Variants in VTI1A observed in about 807,000 individuals in gnomAD.
VTI1A encodes vesicle transport through interaction with t-SNAREs homolog 1A.
A neutral mutation model predicts 34.9 loss-of-function variants in VTI1A; 22 were observed. That is an observed-to-expected ratio of 0.63 (90% CI 0.45 to 0.90). The LOEUF is 0.90. Among genes scored for constraint, VTI1A ranks in the 40% least tolerant of loss-of-function variants. The pLI is 0.00. For missense variants in VTI1A, 268 were observed against 275.6 expected (o/e 0.97, Z 0.20); for synonymous variants, 87 against 97.3 (o/e 0.89, Z 0.62).
downstream of VTI1A, among the ~76,000 whole-genome samples, chr10:112,820,403 A>C (rs535724243): frequency 7.9e-5 from 12 of 152,340 alleles, no homozygotes; most frequent in East Asian, 2.3e-3. Context: ...GTAACTCTCT[A>C]ACTCTAAACT....
At chr10:112,475,813 T>C (rs1589809290) in intron 3 of VTI1A, among the ~76,000 whole-genome samples, 4 of 152,168 alleles carry the variant, frequency 2.6e-5, no homozygotes, top group Non-Finnish European at 4.4e-5. Context: ...GATGGCACTG[T>C]TTGTTTGCAG....
chr10:112,638,051 A>G (rs1038031545), intron 5 of VTI1A, among the ~76,000 whole-genome samples: 1 of 152,252 alleles, frequency 6.6e-6, no homozygotes, highest in Admixed American at 6.5e-5. Flanking sequence ...TATAGCCTTC[A>G]TTGTTAAAAT....
chr10:112,830,849 A>ATTTTTTTTTT, the VTI1A span, among the ~76,000 whole-genome samples: 6 of 33,496 alleles, frequency 1.8e-4, no homozygotes, highest in African/African-American at 2.9e-4. Context: ...ATATATATAT[A>ATTTTTTTTTT]TTTTTTTTTT....
chr10:112,609,964 T>G (rs1210297081), intron 5 of VTI1A, among the ~76,000 whole-genome samples: 1 of 151,988 alleles, frequency 6.6e-6, no homozygotes, highest in Non-Finnish European at 1.5e-5. Flanking sequence ...GGCAGTTTAT[T>G]CCTAGGCATT....
intron 5 of VTI1A, among the ~76,000 whole-genome samples, chr10:112,551,998 CCATT>C (rs1441737525): frequency 2.0e-5 from 3 of 152,086 alleles, no homozygotes; most frequent in African/African-American, 7.2e-5. Context: ...CCCAATTAAC[CCATT>C]CATTAATAGA....
At chr10:112,591,243 G>A (rs530079754) in intron 5 of VTI1A, among the ~76,000 whole-genome samples, 2 of 151,936 alleles carry the variant, frequency 1.3e-5, no homozygotes, top group South Asian at 2.1e-4. Context: ...ACTGTTGACC[G>A]GGCGTGGTGG....
intron 7 of VTI1A, among the ~76,000 whole-genome samples, chr10:112,748,865 G>A (rs1275421987): frequency 5.9e-5 from 9 of 151,662 alleles, no homozygotes; most frequent in Middle Eastern, 3.2e-3. Context: ...TCCTGACCTC[G>A]TGACCCACCC....
At chr10:112,709,943 G>A (rs1220363515) in intron 7 of VTI1A, among the ~76,000 whole-genome samples, 5 of 147,504 alleles carry the variant, frequency 3.4e-5, no homozygotes, top group South Asian at 4.5e-4. Context: ...CACCTGCCTC[G>A]GCCTCCCAAA....
At chr10:112,622,255 A>G (rs1845762845) in intron 5 of VTI1A, among the ~76,000 whole-genome samples, 1 of 152,212 alleles carries the variant, frequency 6.6e-6, no homozygotes, top group Non-Finnish European at 1.5e-5. Flanking sequence ...AAGGGGTGTC[A>G]GAATATAGTT....
At chr10:112,573,420 C>A (rs891725975) in intron 5 of VTI1A, among the ~76,000 whole-genome samples, 15 of 151,918 alleles carry the variant, frequency 9.9e-5, no homozygotes, top group Non-Finnish European at 2.1e-4. Flanking sequence ...GAAAAAAAAA[C>A]CCTAATGGTA....
intron 1 of VTI1A, among the ~76,000 whole-genome samples, chr10:112,454,890 A>G (rs1847379575): frequency 6.6e-6 from 1 of 152,038 alleles, no homozygotes; most frequent in Non-Finnish European, 1.5e-5. Flanking sequence ...ATCTTATTTA[A>G]TGGCTTGAGA....
chr10:112,543,182 G>C (rs1414793580), intron 5 of VTI1A, among the ~76,000 whole-genome samples: 2 of 152,074 alleles, frequency 1.3e-5, no homozygotes, highest in Admixed American at 6.5e-5. Context: ...TAATCCTTTG[G>C]GTATATACCC....
At chr10:112,810,164 A>T (rs1853233535) in intron 7 of VTI1A, among the ~76,000 whole-genome samples, 1 of 151,924 alleles carries the variant, frequency 6.6e-6, no homozygotes, top group Non-Finnish European at 1.5e-5. Flanking sequence ...GCACTTTGGG[A>T]GGCCAAGATG....
chr10:112,591,023 C>T (rs868534961), intron 5 of VTI1A, among the ~76,000 whole-genome samples: 2 of 152,150 alleles, frequency 1.3e-5, no homozygotes, highest in Admixed American at 6.5e-5. Context: ...ATCGCTTGAA[C>T]GCAGGAGGCA....
chr10:112,452,533 A>C (rs1412744812), intron 1 of VTI1A, among the ~76,000 whole-genome samples: 2 of 147,598 alleles, frequency 1.4e-5, no homozygotes, highest in Non-Finnish European at 3.0e-5. Flanking sequence ...GCGCCACTGC[A>C]CTCCAGCCTA....
intron 7 of VTI1A, among the ~76,000 whole-genome samples, chr10:112,690,243 C>T (rs1482659939): frequency 1.3e-5 from 2 of 152,146 alleles, no homozygotes; most frequent in African/African-American, 2.4e-5. Context: ...TATCTTTTTG[C>T]AGACATAGGT....
At chr10:112,854,702 A>G in the VTI1A span, among the ~76,000 whole-genome samples, 2 of 152,184 alleles carry the variant, frequency 1.3e-5, no homozygotes, top group Non-Finnish European at 2.9e-5. Context: ...AGCACCATGA[A>G]AGGCATTACC....
At chr10:112,634,557 T>C (rs1237279934) in intron 5 of VTI1A, among the ~76,000 whole-genome samples, 1 of 151,330 alleles carries the variant, frequency 6.6e-6, no homozygotes, top group African/African-American at 2.4e-5. Context: ...ACGAATTTCA[T>C]GTTTTCTTCC....
At chr10:112,673,384 T>C (rs527487921) in intron 7 of VTI1A, among the ~76,000 whole-genome samples, 10 of 151,954 alleles carry the variant, frequency 6.6e-5, no homozygotes, top group Admixed American at 2.6e-4. Flanking sequence ...CCCATTCTGT[T>C]TGACAATCTC....
Sources: gnomAD v4.1 joint callset for allele counts (sites outside exome capture counted in the v4.1 genomes callset) on GRCh38, gnomAD v4.1.1 for gene constraint, MANE v1.5 for transcripts, NCBI Gene and HGNC (gene_info 2026-07-23, HGNC 2026-07-21) for gene names.